The following MRGPRX4 variants were observed in gnomAD, a reference collection of about 807,000 sequenced individuals.
MRGPRX4 encodes mas-related G protein-coupled receptor member X4.
MRGPRX4 carries 13 observed loss-of-function variants against 17.8 expected under a neutral mutation model. The observed-to-expected ratio is 0.73, with a 90% CI of 0.48 to 1.16. MRGPRX4 has a LOEUF of 1.16. Ranked by LOEUF, MRGPRX4 falls within the 50% of genes most tolerant of loss-of-function variation. The pLI is 0.00. For missense variants in MRGPRX4, 399 were observed against 405.0 expected, an observed-to-expected ratio of 0.99 and a Z score of 0.13; for synonymous variants, 192 against 175.3, an observed-to-expected ratio of 1.10 and a Z score of -0.75.
At position 18,173,921 on chromosome 11, in the gene MRGPRX4, T is replaced by C; in HGVS notation, c.665T>C (p.Val222Ala). 1 of 1,614,188 alleles carries C rather than the reference T, an allele frequency of 6.2e-7. No homozygotes were observed. The highest frequency in any genetic ancestry group is 8.5e-7 in the Non-Finnish European group (1 of 1,180,026). The change falls in exon 1 of 1, where the codon GTG becomes GCG. Residue 222 changes from valine to alanine, a missense_variant. Transcript: ENST00000314254. ...CTGTACGTGACCATCCTGCTCACAG[T>C]GCTGGTCTTCCTCCTCTGCGGCCTG... ...TRLYVTILLT[V>A]LVFLLCGLPF...
Position 18,174,129 on chromosome 11 carries a change from C to T in MRGPRX4, c.873C>T (p.Leu291=), listed in dbSNP as rs267602810. ...ATAGGCAGAACCTGAAGCTGGTTCT[C>T]CAGAGGGCTCTGCAGGACAAGCCTG... is the stretch of plus-strand genomic sequence containing the variant. ...RQNRQNLKLV[L]QRALQDKPEV... The change falls in exon 1 of 1, where the codon CTC becomes CTT. Residue 291 remains leucine, a synonymous_variant. Coordinates refer to ENST00000314254, the MANE Select transcript of MRGPRX4 (RefSeq NM_054032.3). 6.2e-7 allele frequency: 1 copy of T among 1,614,174 alleles called. No homozygotes were observed. The highest frequency in any genetic ancestry group is 8.5e-7 in the Non-Finnish European group (1 of 1,180,032).
In MRGPRX4 at chr11:18,173,045, G is replaced by C; in HGVS notation, c.-212G>C. The C allele has an allele frequency of 1.6e-6, 1 of 608,098 alleles. No individual in the cohort carries two copies. Among genetic ancestry groups the C allele is most frequent in the South Asian group, 2.4e-5 (1 of 40,934 alleles). 37.7% of individuals were successfully genotyped at this position (608,098 alleles called of 1,614,324 possible). ...TTGTGTGGCAGTAGAGAGATGTCAG[G>C]CTTCAGAGTCAACAAGAACTGGATT... On this transcript the variant is annotated 5_prime_UTR_variant, in exon 1 of 1. Transcript: ENST00000314254.
Position 18,173,230 on chromosome 11 carries a change from A to T in MRGPRX4, c.-27A>T. 1 of 1,565,400 alleles carries T rather than the reference A, an allele frequency of 6.4e-7. No individual in the cohort carries two copies. Among genetic ancestry groups the T allele is most frequent in the Non-Finnish European group, 8.7e-7 (1 of 1,155,302 alleles). On this transcript the variant is annotated 5_prime_UTR_variant, in exon 1 of 1. Transcript: ENST00000314254. Reference sequence around the variant, plus strand: ...GTGATCACATCTGGTTTGTGTTCCCAGGGGCACCAGACTAGGGTTTCTGAG... The same window carrying T: ...GTGATCACATCTGGTTTGTGTTCCCTGGGGCACCAGACTAGGGTTTCTGAG...
In MRGPRX4 at chr11:18,173,728, T is replaced by A; in HGVS notation, c.472T>A (p.Trp158Arg). Residue 158 changes from tryptophan to arginine, a missense_variant, in exon 1 of 1, where the codon TGG becomes AGG. Trp to Arg is a moderately radical substitution (Grantham distance 101). Coordinates refer to ENST00000314254, the MANE Select transcript of MRGPRX4 (RefSeq NM_054032.3). ...GTCCCTGCTGTTTAGTATGCTGGAG[T>A]GGAGGTTCTGTGACTTCCTGTTTAG... ...GLSLLFSMLE[W>R]RFCDFLFSGA... 1 of 1,614,064 alleles carries A rather than the reference T, an allele frequency of 6.2e-7. No homozygotes were observed. The highest frequency in any genetic ancestry group is 8.5e-7 in the Non-Finnish European group (1 of 1,180,008).
Position 18,173,835 on chromosome 11 carries a change from T to C in MRGPRX4, c.579T>C (p.Val193=), listed in dbSNP as rs376082992. 1.2e-6 allele frequency: 2 copies of C among 1,614,188 alleles called. No homozygotes were observed. Among genetic ancestry groups the C allele is most frequent in the African/African-American group, 2.7e-5 (2 of 75,036 alleles). The change falls in exon 1 of 1, where the codon GTT becomes GTC. Residue 193 remains valine (V), a synonymous_variant. Transcript: ENST00000314254. ...WLIFLCVVLC[V]SSLVLLVRIL... ...TTTTTTTATGTGTGGTTCTCTGTGT[T>C]TCCAGCCTGGTCCTGCTGGTCAGGA...
chr11:18,173,554 T>C lies in MRGPRX4; in HGVS notation c.298T>C (p.Ser100Pro), dbSNP rs1849341639. Residue 100 changes from serine to proline, a missense_variant, in exon 1 of 1, where the codon TCT becomes CCT. Ser to Pro is a moderately conservative substitution (Grantham distance 74, BLOSUM62 -1). Coordinates refer to ENST00000314254, the MANE Select transcript of MRGPRX4 (RefSeq NM_054032.3). ...CCATCTCATCCGCAAAATCCTCGTTTCTGTGATGACCTTTCCCTACTTTAC... is the reference window on the plus strand; with the variant it reads ...CCATCTCATCCGCAAAATCCTCGTTCCTGTGATGACCTTTCCCTACTTTAC... Reference protein sequence around the residue: ...ISHLIRKILVSVMTFPYFTGL... With the variant: ...ISHLIRKILVPVMTFPYFTGL... 6.2e-7 allele frequency: 1 copy of C among 1,614,048 alleles called. No homozygotes were observed. Among genetic ancestry groups the C allele is most frequent in the South Asian group, 1.1e-5 (1 of 91,074 alleles).
Position 18,174,230 on chromosome 11 carries a change from G to A in MRGPRX4, c.*5G>A, listed in dbSNP as rs765251354. On this transcript the variant is annotated 3_prime_UTR_variant, in exon 1 of 1. Transcript: ENST00000314254. ...GGAAGCAGATTGGGGCCATGAGGGA[G>A]AGCCTCTGCCCTGTCAGTCAGACGG... 4.4e-6 allele frequency: 7 copies of A among 1,608,960 alleles called. No individual in the cohort carries two copies. Among genetic ancestry groups the A allele is most frequent in the Non-Finnish European group, 5.1e-6 (6 of 1,176,644 alleles).
At position 18,173,334 on chromosome 11, in the gene MRGPRX4, G is replaced by A. The variant is rs141047702; in HGVS notation, c.78G>A (p.Gln26=). ...NGREETPCYN[Q]TLSFTVLTCI... The stretch of plus-strand genomic sequence containing the variant: ...GTGAGGAGACTCCTTGCTACAATCA[G>A]ACCCTGAGCTTCACGGTGCTGACGT... The change falls in exon 1 of 1, where the codon CAG becomes CAA. Residue 26 remains glutamine (Q), a synonymous_variant. Transcript: ENST00000314254. The A allele has an allele frequency of 3.0e-5, 49 of 1,614,008 alleles. No homozygotes were observed. Among genetic ancestry groups the A allele is most frequent in the Non-Finnish European group, 3.9e-5 (46 of 1,180,022 alleles).
At position 18,173,253 on chromosome 11, in the gene MRGPRX4, G is replaced by C. The variant is rs746006537; in HGVS notation, c.-4G>C. The stretch of plus-strand genomic sequence containing the variant: ...CCAGGGGCACCAGACTAGGGTTTCT[G>C]AGCATGGATCCAACCGTCCCAGTCT... On this transcript the variant is annotated 5_prime_UTR_variant, in exon 1 of 1. Transcript: ENST00000314254. The C allele has an allele frequency of 1.9e-6, 3 of 1,586,330 alleles. No individual in the cohort carries two copies. The highest frequency in any genetic ancestry group is 2.3e-5 in the South Asian group (2 of 85,234).
At position 18,172,888 on chromosome 11, in the gene MRGPRX4, C is replaced by T. The variant is rs1434488633; in HGVS notation, c.-369C>T. 5.0e-6 allele frequency: 1 copy of T among 201,616 alleles called. No individual in the cohort carries two copies. The highest frequency in any genetic ancestry group is 5.3e-5 in the Admixed American group (1 of 18,882). The allele number at this position is 201,616 out of a possible 1,614,324, so 12.5% of individuals were successfully genotyped here. ...AGTCACGAGTGTGTCACAACCACCT[C>T]TTTGTGTATCTGAATTCCTCCACCT... On this transcript the variant is annotated 5_prime_UTR_variant, in exon 1 of 1. Coordinates refer to ENST00000314254, the MANE Select transcript of MRGPRX4 (RefSeq NM_054032.3).
chr11:18,173,444 T>A lies in MRGPRX4; in HGVS notation c.188T>A (p.Ile63Asn). The change falls in exon 1 of 1, where the codon ATC becomes AAC. Residue 63 changes from isoleucine (I) to asparagine (N), a missense_variant. Physicochemically the swap from Ile to Asn is moderately radical, Grantham distance 149 (BLOSUM62 -3). Coordinates refer to ENST00000314254, the MANE Select transcript of MRGPRX4 (RefSeq NM_054032.3). ...CGCATGCGCAGGAACGCTGTCTCCA[T>A]CTACATCCTCAACCTGGCCGCAGCA... ...GYRMRRNAVS[I>N]YILNLAAADF... 1.9e-6 allele frequency: 3 copies of A among 1,614,198 alleles called. No individual in the cohort carries two copies. Among genetic ancestry groups the A allele is most frequent in the Non-Finnish European group, 2.5e-6 (3 of 1,180,018 alleles).
chr11:18,173,051 G>A lies in MRGPRX4; in HGVS notation c.-206G>A. ...GGCAGTAGAGAGATGTCAGGCTTCA[G>A]AGTCAACAAGAACTGGATTTCAAAC... is the stretch of plus-strand genomic sequence containing the variant. On this transcript the variant is annotated 5_prime_UTR_variant, in exon 1 of 1. Transcript: ENST00000314254. The A allele has an allele frequency of 1.6e-6, 1 of 627,376 alleles. No homozygotes were observed. Among genetic ancestry groups the A allele is most frequent in the South Asian group, 2.4e-5 (1 of 42,302 alleles). The allele number at this position is 627,376 out of a possible 1,614,324, so 38.9% of individuals were successfully genotyped here.
At position 18,173,460 on chromosome 11, in the gene MRGPRX4, G is replaced by C; in HGVS notation, c.204G>C (p.Leu68=). The change falls in exon 1 of 1, where the codon CTG becomes CTC. Residue 68 remains leucine (L), a synonymous_variant. Coordinates refer to ENST00000314254, the MANE Select transcript of MRGPRX4 (RefSeq NM_054032.3). Reference sequence around the variant, plus strand: ...CTGTCTCCATCTACATCCTCAACCTGGCCGCAGCAGACTTCCTCTTCCTCA... The same window carrying C: ...CTGTCTCCATCTACATCCTCAACCTCGCCGCAGCAGACTTCCTCTTCCTCA... ...RNAVSIYILN[L]AAADFLFLSF... is the part of the protein sequence containing the mutation. The C allele has an allele frequency of 1.2e-6, 2 of 1,614,156 alleles. No individual in the cohort carries two copies. The highest frequency in any genetic ancestry group is 1.7e-6 in the Non-Finnish European group (2 of 1,180,030).
chr11:18,173,545 A>G lies in MRGPRX4; in HGVS notation c.289A>G (p.Ile97Val). Residue 97 changes from isoleucine to valine, a missense_variant, in exon 1 of 1, where the codon ATC (isoleucine) becomes GTC (valine). Coordinates refer to ENST00000314254, the MANE Select transcript of MRGPRX4 (RefSeq NM_054032.3). ...CAATATCAGCCATCTCATCCGCAAAATCCTCGTTTCTGTGATGACCTTTCC... is the reference window on the plus strand; with the variant it reads ...CAATATCAGCCATCTCATCCGCAAAGTCCTCGTTTCTGTGATGACCTTTCC... ...LINISHLIRK[I>V]LVSVMTFPYF... is the part of the protein sequence containing the mutation. 3 of 1,613,840 alleles carry G rather than the reference A, an allele frequency of 1.9e-6. No individual in the cohort carries two copies. The highest frequency in any genetic ancestry group is 2.5e-6 in the Non-Finnish European group (3 of 1,179,934).
Position 18,173,176 on chromosome 11 carries a change from G to A in MRGPRX4, c.-81G>A. 2.0e-6 allele frequency: 3 copies of A among 1,490,736 alleles called. No homozygotes were observed. The highest frequency in any genetic ancestry group is 2.2e-5 in the Admixed American group (1 of 45,822). The allele number at this position is 1,490,736 out of a possible 1,614,324, so 92.3% of individuals were successfully genotyped here. A position where few individuals can be genotyped will look rare whatever the true frequency, so the allele number is the denominator to read the frequency against. ...GACAGTAAATCCCATACGGCAGGGT[G>A]GTGGGGAGAATCAGAGATGATACAG... On this transcript the variant is annotated 5_prime_UTR_variant, in exon 1 of 1. Transcript: ENST00000314254.
chr11:18,173,330 A>G lies in MRGPRX4; in HGVS notation c.74A>G (p.Asn25Ser), dbSNP rs753843695. 2.5e-6 allele frequency: 4 copies of G among 1,614,014 alleles called. No homozygotes were observed. The highest frequency in any genetic ancestry group is 2.5e-6 in the Non-Finnish European group (3 of 1,179,982). Residue 25 changes from asparagine (N) to serine (S), a missense_variant, in exon 1 of 1, where the codon AAT (asparagine) becomes AGT (serine). By Grantham distance (46) the Asn-to-Ser change is conservative (BLOSUM62 1). Coordinates refer to ENST00000314254, the MANE Select transcript of MRGPRX4 (RefSeq NM_054032.3). Reference sequence around the variant, plus strand: ...GGACGTGAGGAGACTCCTTGCTACAATCAGACCCTGAGCTTCACGGTGCTG... The same window carrying G: ...GGACGTGAGGAGACTCCTTGCTACAGTCAGACCCTGAGCTTCACGGTGCTG... ...INGREETPCY[N>S]QTLSFTVLTC...
rs149031530 is a variant in MRGPRX4 at position 18,173,952 on chromosome 11, C to A, written c.696C>A (p.Phe232Leu). The change falls in exon 1 of 1, where the codon TTC becomes TTA. Residue 232 changes from phenylalanine (F) to leucine (L), a missense_variant. Coordinates refer to ENST00000314254, the MANE Select transcript of MRGPRX4 (RefSeq NM_054032.3). ...TCTTCCTCCTCTGCGGCCTGCCCTT[C>A]GGCATTCTGGGGGCCCTAATTTACA... is the stretch of plus-strand genomic sequence containing the variant. ...VLVFLLCGLP[F>L]GILGALIYRM... 6.2e-7 allele frequency: 1 copy of A among 1,614,186 alleles called. No homozygotes were observed. The highest frequency in any genetic ancestry group is 1.3e-5 in the African/African-American group (1 of 75,034).
In MRGPRX4 at chr11:18,173,705, C is replaced by T. The variant is rs73434269; in HGVS notation, c.449C>T (p.Ser150Phe). The change falls in exon 1 of 1, where the codon TCC (serine) becomes TTC (phenylalanine). Residue 150 changes from serine (S) to phenylalanine (F), a missense_variant. Ser to Phe is a radical substitution (Grantham distance 155). Transcript: ENST00000314254. ...GTGTGTGTCCTGCTCTGGGGCCTGT[C>T]CCTGCTGTTTAGTATGCTGGAGTGG... is the stretch of plus-strand genomic sequence containing the variant. ...AVVCVLLWGL[S>F]LLFSMLEWRF... The T allele has an allele frequency of 1.4e-3, 2,244 of 1,614,152 alleles. 24 individuals carry two copies. In the African/African-American group the frequency reaches 0.027, roughly 19 times the overall value.
rs190032390 is a variant in MRGPRX4, at chr11:18,174,082, G to T, written c.826G>T (p.Gly276Cys). 102 of 1,614,148 alleles carry T rather than the reference G, an allele frequency of 6.3e-5. 2 individuals carry two copies. The African/African-American group carries it at 1.2e-3, about 19-fold the overall frequency. Residue 276 changes from glycine (G) to cysteine (C), a missense_variant, in exon 1 of 1, where the codon GGC becomes TGC. Physicochemically the swap from Gly to Cys is radical, Grantham distance 159. Transcript: ENST00000314254. The part of the protein sequence containing the change: ...SANPIIYFFV[G>C]SFRQRQNRQN... ...CAACCCCATCATTTACTTCTTCGTG[G>T]GCTCCTTTAGGCAGCGTCAAAATAG... is the stretch of plus-strand genomic sequence containing the variant.
Sources: allele counts gnomAD v4.1 joint callset, GRCh38; gene constraint gnomAD v4.1.1; transcripts MANE v1.5; gene names NCBI Gene and HGNC (gene_info 2026-07-23, HGNC 2026-07-21).